Variants in TSPAN12 observed in about 807,000 individuals in gnomAD.
TSPAN12 encodes tetraspanin 12, also known as tetraspanin-12.
Under a neutral mutation model 39.2 loss-of-function variants are expected in TSPAN12, and 19 were observed. The ratio of observed to expected loss-of-function variants is 0.49; its 90% CI spans 0.34 to 0.71. TSPAN12 has a LOEUF of 0.71. Among genes scored for constraint, TSPAN12 ranks in the 30% least tolerant of loss-of-function variants. The pLI is 0.01. For missense variants in TSPAN12, 314 were observed against 359.9 expected (o/e 0.87, Z 1.03); for synonymous variants, 119 against 124.8 (o/e 0.95, Z 0.31).
chr7:120,836,970 G>A (rs1794488221), intron 4 of TSPAN12, among the ~76,000 whole-genome samples: 2 of 152,182 alleles, frequency 1.3e-5, no homozygotes, highest in African/African-American at 4.8e-5. Context: ...GCATCCCACT[G>A]CATAGGGACT....
At chr7:120,793,000 G>A (rs914560336) in intron 7 of TSPAN12, among the ~76,000 whole-genome samples, 2 of 152,216 alleles carry the variant, frequency 1.3e-5, no homozygotes, top group Admixed American at 6.5e-5. Flanking sequence ...GCACTCCCTT[G>A]TTGGAACCTG....
At chr7:120,850,933 ACCTG>A (rs1029053760) in intron 2 of TSPAN12, among the ~76,000 whole-genome samples, 7 of 152,052 alleles carry the variant, frequency 4.6e-5, no homozygotes, top group African/African-American at 1.7e-4. Context: ...CAGGTGATCC[ACCTG>A]CCTGGGCCTC....
intron 4 of TSPAN12, among the ~76,000 whole-genome samples, chr7:120,828,659 T>C (rs1794334418): frequency 6.7e-6 from 1 of 148,364 alleles, no homozygotes; most frequent in African/African-American, 2.5e-5. Flanking sequence ...TTTCTCCTTT[T>C]TTTTTTTTTT....
chr7:120,811,496 G>A (rs1221826891), intron 5 of TSPAN12, among the ~76,000 whole-genome samples: 7 of 151,738 alleles, frequency 4.6e-5, no homozygotes, highest in Admixed American at 3.3e-4. Flanking sequence ...GTGAAACCCC[G>A]TCTCTACTAA....
chr7:120,854,042 T>C (rs1418123705), intron 2 of TSPAN12, among the ~76,000 whole-genome samples: 1 of 152,154 alleles, frequency 6.6e-6, no homozygotes, highest in African/African-American at 2.4e-5. Flanking sequence ...TGAAATGATG[T>C]ATATGAAAAA....
At chr7:120,839,766 A>T (rs368230675) in intron 3 of TSPAN12, among the ~76,000 whole-genome samples, 6 of 152,168 alleles carry the variant, frequency 3.9e-5, no homozygotes, top group East Asian at 3.9e-4. Context: ...GACATGGCTG[A>T]TGCACAATCA....
At chr7:120,829,992 GC>G (rs1794360827) in intron 4 of TSPAN12, among the ~76,000 whole-genome samples, 1 of 151,894 alleles carries the variant, frequency 6.6e-6, no homozygotes, top group Admixed American at 6.6e-5. Flanking sequence ...AGTTTTCCTG[GC>G]CCCTGTCTCT....
At chr7:120,806,819 T>G (rs964855283) in intron 6 of TSPAN12, 127 bp from the exon 7 acceptor site, 1 of 1,139,032 alleles carries the variant, frequency 8.8e-7, no homozygotes, top group South Asian at 1.3e-5. Context: ...TAATGATATA[T>G]GTACAGTCTA....
intron 5 of TSPAN12, among the ~76,000 whole-genome samples, chr7:120,812,146 T>C (rs1793995255): frequency 6.6e-6 from 1 of 152,248 alleles, no homozygotes; most frequent in African/African-American, 2.4e-5. Context: ...CCATGTCTAT[T>C]ACAGAGTATT....
intron 6 of TSPAN12, among the ~76,000 whole-genome samples, chr7:120,809,869 T>C (rs753088483): frequency 9.2e-5 from 14 of 152,154 alleles, no homozygotes; most frequent in Non-Finnish European, 1.8e-4. Flanking sequence ...CTAAATGAAA[T>C]CGCATCATTT....
At chr7:120,854,205 G>A (rs1306249338) in intron 2 of TSPAN12, among the ~76,000 whole-genome samples, 1 of 152,094 alleles carries the variant, frequency 6.6e-6, no homozygotes, top group African/African-American at 2.4e-5. Context: ...ACATATAATG[G>A]GGTAATTACT....
intron 2 of TSPAN12, among the ~76,000 whole-genome samples, chr7:120,854,401 T>A (rs1012719117): frequency 6.6e-6 from 1 of 152,210 alleles, no homozygotes; most frequent in Non-Finnish European, 1.5e-5. Flanking sequence ...GTAGTTATAG[T>A]AATAACTGCA....
intron 2 of TSPAN12, among the ~76,000 whole-genome samples, chr7:120,854,496 C>T (rs1794833234): frequency 6.6e-6 from 1 of 152,164 alleles, no homozygotes; most frequent in African/African-American, 2.4e-5. Context: ...CCTCACAACT[C>T]TAAAAGATAG....
intron 4 of TSPAN12, among the ~76,000 whole-genome samples, chr7:120,817,132 GGTTTT>G (rs1377605671): frequency 6.6e-6 from 1 of 152,020 alleles, no homozygotes; most frequent in Non-Finnish European, 1.5e-5. Context: ...TCAACGTTTG[GGTTTT>G]GGGAGGTGGG....
rs1793432528 is a variant in TSPAN12 at position 120,787,584 on chromosome 7, T to C, written c.*1008A>G. On this transcript the variant is annotated 3_prime_UTR_variant, in exon 8 of 8. Transcript: ENST00000222747. ...AAAAAGAACACTATTTTCTGTAGAA[T>C]TTATATTGACTTGGAGACTATTGCT... 1 of 152,458 alleles carries C rather than the reference T, an allele frequency of 6.6e-6. No individual in the cohort carries two copies. The highest frequency in any genetic ancestry group is 2.4e-5 in the African/African-American group (1 of 41,458). The allele number at this position is 152,458 out of a possible 1,614,324, so 9.4% of individuals were successfully genotyped here.
At chr7:120,846,798 C>A (rs1415049057) in intron 2 of TSPAN12, among the ~76,000 whole-genome samples, 1 of 152,132 alleles carries the variant, frequency 6.6e-6, no homozygotes, top group African/African-American at 2.4e-5. Flanking sequence ...AGACATAGTA[C>A]AAGTTTCTGT....
chr7:120,826,847 C>T (rs1447859376), intron 4 of TSPAN12, among the ~76,000 whole-genome samples: 1 of 152,122 alleles, frequency 6.6e-6, no homozygotes, highest in East Asian at 1.9e-4. Flanking sequence ...CTCAGCCTCC[C>T]AAGTGGCTGG....
chr7:120,806,511 A>G (rs765725378), intron 7 of TSPAN12, 38 bp downstream of exon 7: 34 of 1,604,166 alleles, frequency 2.1e-5, no homozygotes, highest in Non-Finnish European at 2.9e-5. Flanking sequence ...TCCTAAGAAA[A>G]CATTTATCCA....
At chr7:120,820,681 C>T (rs978648458) in intron 4 of TSPAN12, among the ~76,000 whole-genome samples, 1 of 152,126 alleles carries the variant, frequency 6.6e-6, no homozygotes, top group Non-Finnish European at 1.5e-5. Context: ...TCAGTTCTGG[C>T]TGGCAAGGAT....
Sources: allele counts gnomAD v4.1 joint callset (sites outside exome capture counted in the v4.1 genomes callset), GRCh38; gene constraint gnomAD v4.1.1; transcripts MANE v1.5; gene names NCBI Gene and HGNC (gene_info 2026-07-23, HGNC 2026-07-21).